FAM135A: variants seen among roughly 807,000 people sequenced by gnomAD.
The protein encoded by FAM135A is protein FAM135A.
In FAM135A, 79 loss-of-function variants were observed where a neutral mutation model predicts 146.8. That is an observed-to-expected ratio of 0.54 (90% confidence interval 0.45 to 0.65). The LOEUF (loss-of-function observed/expected upper bound fraction) is 0.65, where lower values mean the gene tolerates loss of function less well. Ranked by LOEUF, FAM135A falls within the 30% of genes least tolerant of loss-of-function variation. FAM135A has a pLI of 0.00. For synonymous variants in FAM135A, 562 were observed against 603.6 expected, an observed-to-expected ratio of 0.93 and a Z score of 1.01; for missense variants, 1,623 against 1,758.2, an observed-to-expected ratio of 0.92 and a Z score of 1.38.
At chr6:70,477,110 G>T (rs757446854) in intron 7 of FAM135A, 49 bp from the exon 8 acceptor site, 2 of 1,533,586 alleles carry the variant, frequency 1.3e-6, no homozygotes, top group South Asian at 2.5e-5. Flanking sequence ...TAATATATTG[G>T]CGTTTACTAA....
Position 70,533,867 on chromosome 6 carries a change from A to T in FAM135A, c.3965+13A>T, listed in dbSNP as rs754977908. 5.6e-6 allele frequency: 7 copies of T among 1,253,368 alleles called. No individual in the cohort carries two copies. The highest frequency in any genetic ancestry group is 7.6e-6 in the Non-Finnish European group (7 of 916,788). 77.6% of individuals were successfully genotyped at this position (1,253,368 alleles called of 1,614,324 possible). On this transcript the variant is annotated intron_variant, in intron 18 of 21. Transcript: ENST00000418814. Reference sequence around the variant, plus strand: ...TCTCAAAAATAAGGTATCTTCTTTAATATTATGCAATTTATTTTTATATTT... The same window carrying T: ...TCTCAAAAATAAGGTATCTTCTTTATTATTATGCAATTTATTTTTATATTT...
intron 12 of FAM135A, among the ~76,000 whole-genome samples, chr6:70,510,758 T>C (rs893301653): frequency 6.6e-6 from 1 of 152,048 alleles, no homozygotes; most frequent in Non-Finnish European, 1.5e-5. Flanking sequence ...TGAATATCTG[T>C]TTTTAGTTAT....
intron 20 of FAM135A, among the ~76,000 whole-genome samples, chr6:70,544,276 C>T (rs771128899): frequency 1.3e-5 from 2 of 152,116 alleles, no homozygotes; most frequent in South Asian, 4.1e-4. Context: ...TGGTGGCTCA[C>T]GCCTGTAATC....
chr6:70,507,301 A>G (rs1394350481), intron 12 of FAM135A, among the ~76,000 whole-genome samples: 1 of 152,152 alleles, frequency 6.6e-6, no homozygotes, highest in Non-Finnish European at 1.5e-5. Flanking sequence ...ATGCAATTCA[A>G]GAGGAACCTT....
At chr6:70,425,529 G>A (rs1435374639) in intron 2 of FAM135A, among the ~76,000 whole-genome samples, 1 of 152,154 alleles carries the variant, frequency 6.6e-6, no homozygotes, top group African/African-American at 2.4e-5. Context: ...ATAATGGAGA[G>A]AAGAAAAACT....
At chr6:70,447,208 T>C (rs1775957489) in intron 4 of FAM135A, among the ~76,000 whole-genome samples, 1 of 152,240 alleles carries the variant, frequency 6.6e-6, no homozygotes, top group South Asian at 2.1e-4. Flanking sequence ...CGTTTATCAG[T>C]AATTTGATTT....
At chr6:70,484,790 A>G (rs935695575) in intron 10 of FAM135A, among the ~76,000 whole-genome samples, 3 of 152,210 alleles carry the variant, frequency 2.0e-5, no homozygotes, top group Non-Finnish European at 4.4e-5. Context: ...CTAACAGGCC[A>G]CAGACAAGTA....
intron 12 of FAM135A, among the ~76,000 whole-genome samples, chr6:70,510,598 A>G (rs551564536): frequency 1.3e-5 from 2 of 152,202 alleles, no homozygotes; most frequent in East Asian, 1.9e-4. Context: ...ACATGTATCC[A>G]TATAATGATT....
At chr6:70,414,121 G>A in intron 1 of FAM135A, 3 of 863,464 alleles carry the variant, frequency 3.5e-6, no homozygotes, top group Non-Finnish European at 4.2e-6. Context: ...TTGCCCGGGT[G>A]GTCCCTCCTT....
At chr6:70,467,609 A>G (rs1582335480) in intron 5 of FAM135A, among the ~76,000 whole-genome samples, 5 of 151,910 alleles carry the variant, frequency 3.3e-5, no homozygotes, top group South Asian at 4.2e-4. Flanking sequence ...TGGCTCTACT[A>G]TGATATTTCT....
chr6:70,424,209 C>G (rs1769517723), intron 2 of FAM135A, among the ~76,000 whole-genome samples: 1 of 152,228 alleles, frequency 6.6e-6, no homozygotes, highest in South Asian at 2.1e-4. Context: ...AGTTTGCCCA[C>G]TTTGAAGGCT....
intron 5 of FAM135A, among the ~76,000 whole-genome samples, chr6:70,460,225 A>G (rs560127666): frequency 9.9e-5 from 15 of 152,166 alleles, no homozygotes; most frequent in Admixed American, 1.3e-4. Context: ...CTCTCCCCCA[A>G]CCTTTTAAAA....
intron 20 of FAM135A, among the ~76,000 whole-genome samples, chr6:70,555,947 ACTCAT>A (rs1800752240): frequency 6.6e-6 from 1 of 151,968 alleles, no homozygotes; most frequent in South Asian, 2.1e-4. Context: ...GTGAATCCAT[ACTCAT>A]CTCATGATTA....
At chr6:70,417,609 C>A (rs1211121194) in intron 2 of FAM135A, 1 of 985,024 alleles carries the variant, frequency 1.0e-6, no homozygotes, top group African/African-American at 1.7e-5. Context: ...TATTGAAATA[C>A]CCTTGAAGTT....
intron 12 of FAM135A, among the ~76,000 whole-genome samples, chr6:70,520,745 C>T (rs954460858): frequency 2.6e-5 from 4 of 152,032 alleles, no homozygotes; most frequent in African/African-American, 9.7e-5. Context: ...CAAACTTTTG[C>T]CTGAAAATTA....
chr6:70,493,159 C>T (rs1470164687), intron 11 of FAM135A, among the ~76,000 whole-genome samples: 4 of 150,818 alleles, frequency 2.7e-5, no homozygotes, highest in South Asian at 2.1e-4. Flanking sequence ...ATACTGTTTG[C>T]GTGCTGAAAA....
At chr6:70,517,869 C>A (rs2128318802) in intron 12 of FAM135A, among the ~76,000 whole-genome samples, 1 of 152,280 alleles carries the variant, frequency 6.6e-6, no homozygotes, top group South Asian at 2.1e-4. Context: ...ACTGTTTCAC[C>A]AACTAGCATT....
At chr6:70,486,345 TGTG>T in intron 10 of FAM135A, 2 of 979,110 alleles carry the variant, frequency 2.0e-6, no homozygotes, top group Non-Finnish European at 3.1e-6. Flanking sequence ...TATTTAATAA[TGTG>T]GTATGTTTCC....
intron 4 of FAM135A, among the ~76,000 whole-genome samples, chr6:70,442,311 C>G (rs915008542): frequency 7.4e-6 from 1 of 134,756 alleles, no homozygotes; most frequent in African/African-American, 2.9e-5. Flanking sequence ...TTTTAAAAAT[C>G]ACTTGAAGTA....
Sources: gnomAD v4.1 joint callset for allele counts (sites outside exome capture counted in the v4.1 genomes callset) on GRCh38, gnomAD v4.1.1 for gene constraint, MANE v1.5 for transcripts, NCBI Gene and HGNC (gene_info 2026-07-23, HGNC 2026-07-21) for gene names.